Variants in MSI2 observed in about 807,000 individuals in gnomAD.
MSI2 encodes the protein RNA-binding protein Musashi homolog 2.
In MSI2, 17 loss-of-function variants were observed where a neutral mutation model predicts 45.6. The observed-to-expected ratio is 0.37, with a 90% CI of 0.26 to 0.56. The LOEUF is 0.56. Ranked by LOEUF, MSI2 falls within the 20% of genes least tolerant of loss-of-function variation. The probability of loss-of-function intolerance (pLI) is 0.77; values close to 1 mark genes in which losing one functional copy is unlikely to be tolerated. For synonymous variants in MSI2, 156 were observed against 158.2 expected (o/e 0.99, Z 0.11); for missense variants, 293 against 444.2 (o/e 0.66, Z 3.06).
intron 8 of MSI2, among the ~76,000 whole-genome samples, chr17:57,613,955 C>T (rs1453122668): frequency 1.3e-5 from 2 of 152,184 alleles, no homozygotes; most frequent in African/African-American, 2.4e-5. Context: ...TCCCCCTAAC[C>T]TTGAGCACTA....
intron 5 of MSI2, among the ~76,000 whole-genome samples, chr17:57,277,377 G>A (rs1280723166): frequency 2.6e-5 from 4 of 152,208 alleles, no homozygotes; most frequent in African/African-American, 9.6e-5. Context: ...TTTTGACAGG[G>A]TGGTTTGGGT....
At chr17:57,415,508 G>A (rs2084278298) in intron 6 of MSI2, among the ~76,000 whole-genome samples, 1 of 152,156 alleles carries the variant, frequency 6.6e-6, no homozygotes, top group Non-Finnish European at 1.5e-5. Context: ...ACTGTCTCCT[G>A]AGCCTGGTTT....
At chr17:57,437,202 T>G (rs980639715) in intron 6 of MSI2, among the ~76,000 whole-genome samples, 2 of 152,256 alleles carry the variant, frequency 1.3e-5, no homozygotes, top group African/African-American at 4.8e-5. Flanking sequence ...TTGGATTTAT[T>G]TTATTCCCCA....
intron 10 of MSI2, among the ~76,000 whole-genome samples, chr17:57,642,348 C>T (rs1910322647): frequency 1.3e-5 from 2 of 152,248 alleles, no homozygotes; most frequent in Non-Finnish European, 2.9e-5. Flanking sequence ...GCCACTCCTG[C>T]ACTCCCATCT....
chr17:57,573,311 C>T (rs2087927351), intron 7 of MSI2, among the ~76,000 whole-genome samples: 2 of 141,884 alleles, frequency 1.4e-5, no homozygotes, highest in Admixed American at 1.4e-4. Flanking sequence ...CTTATTGATC[C>T]CTTAGGATGT....
At chr17:57,341,077 C>A (rs947591436) in intron 5 of MSI2, among the ~76,000 whole-genome samples, 2 of 152,160 alleles carry the variant, frequency 1.3e-5, no homozygotes, top group Non-Finnish European at 2.9e-5. Flanking sequence ...AGCTGCTGCA[C>A]CTTTCCCTAG....
intron 7 of MSI2, among the ~76,000 whole-genome samples, chr17:57,575,151 T>TCCCCCCCC (rs898555784): frequency 8.7e-6 from 1 of 114,376 alleles, no homozygotes; most frequent in Non-Finnish European, 1.8e-5. Context: ...TTTAACTCCC[T>TCCCCCCCC]CCCCCCGCCA....
At chr17:57,526,827 C>T (rs1416777897) in intron 6 of MSI2, among the ~76,000 whole-genome samples, 1 of 152,084 alleles carries the variant, frequency 6.6e-6, no homozygotes, top group East Asian at 1.9e-4. Flanking sequence ...TTTCTTTCGT[C>T]CTGACACTTT....
rs1435132967 is a variant in MSI2 at position 57,257,560 on chromosome 17, C to T, written c.185+13C>T. ...CGAAACGCTCCAGGTAAACCATTCCCTTCTGGATTTTGTCTTTATTTTAGA... is the reference window on the plus strand; with the variant it reads ...CGAAACGCTCCAGGTAAACCATTCCTTTCTGGATTTTGTCTTTATTTTAGA... On this transcript the variant is annotated intron_variant, in intron 3 of 13. Transcript: ENST00000284073. 4 of 1,551,800 alleles carry T rather than the reference C, an allele frequency of 2.6e-6. No homozygotes were observed. The highest frequency in any genetic ancestry group is 1.4e-5 in the African/African-American group (1 of 73,306).
At chr17:57,442,080 A>G (rs1318308296) in intron 6 of MSI2, among the ~76,000 whole-genome samples, 2 of 147,844 alleles carry the variant, frequency 1.4e-5, no homozygotes, top group Admixed American at 6.7e-5. Flanking sequence ...CTCTGTCTCC[A>G]GGCTGGAGTG....
chr17:57,287,115 G>A (rs1437529349), intron 5 of MSI2, among the ~76,000 whole-genome samples: 1 of 147,992 alleles, frequency 6.8e-6, no homozygotes, highest in Non-Finnish European at 1.5e-5. Flanking sequence ...CTACAAATAA[G>A]TGGTCTCAAA....
chr17:57,492,977 G>A (rs574015645), intron 6 of MSI2, among the ~76,000 whole-genome samples: 101 of 152,252 alleles, frequency 6.6e-4, no homozygotes, highest in South Asian at 2.3e-3. Context: ...ATGAGAATTC[G>A]TTAAAACAGA....
the MSI2 span, among the ~76,000 whole-genome samples, chr17:57,696,515 G>A: frequency 5.9e-5 from 9 of 152,184 alleles, no homozygotes; most frequent in African/African-American, 2.2e-4. Context: ...CAAGGCAGGA[G>A]GATCTCTTGA....
the MSI2 span, among the ~76,000 whole-genome samples, chr17:57,692,800 ATC>A: frequency 1.5e-4 from 23 of 151,558 alleles, no homozygotes; most frequent in African/African-American, 5.3e-4. Flanking sequence ...TTGATGCTAA[ATC>A]TACTGTTGTT....
At chr17:57,530,168 G>A (rs2086791783) in intron 7 of MSI2, among the ~76,000 whole-genome samples, 1 of 152,216 alleles carries the variant, frequency 6.6e-6, no homozygotes, top group Non-Finnish European at 1.5e-5. Flanking sequence ...TTCGTTGGGT[G>A]TGTAGTGATT....
At chr17:57,406,221 T>G (rs2084078831) in intron 6 of MSI2, among the ~76,000 whole-genome samples, 1 of 152,098 alleles carries the variant, frequency 6.6e-6, no homozygotes, top group South Asian at 2.1e-4. Flanking sequence ...TAAATGATGC[T>G]CCAGATATGC....
chr17:57,466,564 C>T (rs2085334933), intron 6 of MSI2, among the ~76,000 whole-genome samples: 3 of 152,148 alleles, frequency 2.0e-5, no homozygotes, highest in Admixed American at 2.0e-4. Context: ...TGCCACCCAC[C>T]CCACCATAAA....
At chr17:57,455,848 G>A (rs1389257421) in intron 6 of MSI2, among the ~76,000 whole-genome samples, 6 of 152,190 alleles carry the variant, frequency 3.9e-5, no homozygotes, top group South Asian at 2.1e-4. Context: ...TCCGCAGCAC[G>A]CACACAGGCA....
intron 6 of MSI2, among the ~76,000 whole-genome samples, chr17:57,480,218 C>T (rs1166638902): frequency 6.6e-6 from 1 of 152,184 alleles, no homozygotes; most frequent in African/African-American, 2.4e-5. Context: ...CTGCCTCAGC[C>T]TCCCAAAGTG....
Sources: allele counts gnomAD v4.1 joint callset (sites outside exome capture counted in the v4.1 genomes callset), GRCh38; gene constraint gnomAD v4.1.1; transcripts MANE v1.5; gene names NCBI Gene and HGNC (gene_info 2026-07-23, HGNC 2026-07-21).